Variants in ZNF804A observed in about 807,000 individuals in gnomAD.
The protein encoded by ZNF804A is zinc finger protein 804A.
Under a neutral mutation model 16.5 loss-of-function variants are expected in ZNF804A, and 2 were observed. That is an observed-to-expected ratio of 0.12 (90% CI 0.05 to 0.38). ZNF804A has a LOEUF of 0.38. ZNF804A is among the 10% of genes least tolerant of loss of function. ZNF804A has a pLI of 0.99. For synonymous variants in ZNF804A, 534 were observed against 489.6 expected (o/e 1.09, Z -1.20); for missense variants, 1,473 against 1,390.7 (o/e 1.06, Z -0.94).
chr2:184,789,468 T>TTTG (rs752770553), intron 1 of ZNF804A, among the ~76,000 whole-genome samples: 6 of 152,066 alleles, frequency 3.9e-5, no homozygotes, highest in Non-Finnish European at 7.4e-5. Flanking sequence ...GGTCCTAGGC[T>TTTG]TTGTTGTTGT....
intron 1 of ZNF804A, among the ~76,000 whole-genome samples, chr2:184,822,433 G>A (rs1365867912): frequency 6.6e-6 from 1 of 152,060 alleles, no homozygotes; most frequent in African/African-American, 2.4e-5. Context: ...ATAGCTAATG[G>A]ATGCTGGACT....
At chr2:184,790,188 T>C (rs1694511520) in intron 1 of ZNF804A, among the ~76,000 whole-genome samples, 2 of 152,074 alleles carry the variant, frequency 1.3e-5, no homozygotes, top group African/African-American at 4.8e-5. Flanking sequence ...TCTGAGAAAA[T>C]ACTTGGTACA....
intron 2 of ZNF804A, among the ~76,000 whole-genome samples, chr2:184,893,646 CTAAT>C (rs1188332060): frequency 3.3e-5 from 5 of 151,936 alleles, no homozygotes; most frequent in African/African-American, 1.2e-4. Flanking sequence ...TTTAAAACTA[CTAAT>C]TAATAATGGA....
chr2:184,693,631 A>G (rs1397245361), intron 1 of ZNF804A, among the ~76,000 whole-genome samples: 1 of 152,184 alleles, frequency 6.6e-6, no homozygotes, highest in Non-Finnish European at 1.5e-5. Context: ...TGCCTCAGAT[A>G]TGACTTATAT....
chr2:184,805,049 G>T (rs183400529), intron 1 of ZNF804A, among the ~76,000 whole-genome samples: 1 of 152,050 alleles, frequency 6.6e-6, no homozygotes, highest in South Asian at 2.1e-4. Flanking sequence ...GATGCTTCTG[G>T]TCCAGGGACC....
At chr2:184,898,038 G>T (rs1042501312) in intron 2 of ZNF804A, among the ~76,000 whole-genome samples, 1 of 152,050 alleles carries the variant, frequency 6.6e-6, no homozygotes, top group Non-Finnish European at 1.5e-5. Context: ...TTTTCTTACT[G>T]TAGAGGTTAA....
chr2:184,688,350 G>A (rs1190680586), intron 1 of ZNF804A, among the ~76,000 whole-genome samples: 1 of 151,342 alleles, frequency 6.6e-6, no homozygotes, highest in Non-Finnish European at 1.5e-5. Flanking sequence ...CTTTCTGTGT[G>A]TGTGTGTGTG....
At chr2:184,885,641 T>C (rs1165364557) in intron 2 of ZNF804A, among the ~76,000 whole-genome samples, 1 of 152,104 alleles carries the variant, frequency 6.6e-6, no homozygotes, top group Non-Finnish European at 1.5e-5. Flanking sequence ...GACTTATAGT[T>C]CTGTACGTTC....
At chr2:184,732,823 C>T (rs1438754920) in intron 1 of ZNF804A, among the ~76,000 whole-genome samples, 3 of 151,962 alleles carry the variant, frequency 2.0e-5, no homozygotes, top group African/African-American at 7.2e-5. Flanking sequence ...TTTTACTCCC[C>T]ACTTGTTCAT....
chr2:184,939,072 A>G lies in ZNF804A; in HGVS notation c.*46A>G, dbSNP rs751786999. ...AAATACTCTTGTGAAAACTATTGCTATATGCGTTAAGTGTTCATCTATGTG... is the reference window on the plus strand; with the variant it reads ...AAATACTCTTGTGAAAACTATTGCTGTATGCGTTAAGTGTTCATCTATGTG... On this transcript the variant is annotated 3_prime_UTR_variant, in exon 4 of 4. Coordinates refer to ENST00000302277, the MANE Select transcript of ZNF804A (RefSeq NM_194250.2). 41 of 1,587,906 alleles carry G rather than the reference A, an allele frequency of 2.6e-5. No individual in the cohort carries two copies. Among genetic ancestry groups the G allele is most frequent in the Admixed American group, 5.1e-5 (3 of 58,624 alleles).
intron 1 of ZNF804A, among the ~76,000 whole-genome samples, chr2:184,617,070 A>G (rs1312992289): frequency 2.0e-5 from 3 of 152,082 alleles, no homozygotes; most frequent in Admixed American, 2.0e-4. Context: ...AATTAGCTAT[A>G]CATTTGTTTC....
chr2:184,674,119 A>T (rs1692383543), intron 1 of ZNF804A, among the ~76,000 whole-genome samples: 1 of 152,092 alleles, frequency 6.6e-6, no homozygotes, highest in African/African-American at 2.4e-5. Flanking sequence ...AAACTTGAAG[A>T]TTTAAAATAA....
chr2:184,817,391 A>G (rs1171806225), intron 1 of ZNF804A, among the ~76,000 whole-genome samples: 1 of 151,868 alleles, frequency 6.6e-6, no homozygotes, highest in Non-Finnish European at 1.5e-5. Context: ...CCCCACACAA[A>G]CTCCATTCAA....
intron 1 of ZNF804A, among the ~76,000 whole-genome samples, chr2:184,667,364 T>C (rs1185790771): frequency 6.6e-6 from 1 of 151,888 alleles, no homozygotes; most frequent in Non-Finnish European, 1.5e-5. Context: ...CAGTAAGTAA[T>C]TAATGGTTTT....
intron 1 of ZNF804A, among the ~76,000 whole-genome samples, chr2:184,608,196 C>T (rs1335675035): frequency 2.6e-5 from 4 of 151,906 alleles, no homozygotes; most frequent in African/African-American, 7.3e-5. Context: ...CCGCCCGCCT[C>T]GGCTTCCCAA....
intron 1 of ZNF804A, among the ~76,000 whole-genome samples, chr2:184,668,660 G>A (rs1170620357): frequency 6.6e-6 from 1 of 151,828 alleles, no homozygotes; most frequent in Non-Finnish European, 1.5e-5. Flanking sequence ...AGAGATATTT[G>A]GAAAGTTATA....
intron 1 of ZNF804A, among the ~76,000 whole-genome samples, chr2:184,858,443 G>A (rs1695739597): frequency 6.6e-6 from 1 of 150,894 alleles, no homozygotes; most frequent in Non-Finnish European, 1.5e-5. Flanking sequence ...GGTGAAGTTT[G>A]CAGTGAGCCG....
intron 1 of ZNF804A, among the ~76,000 whole-genome samples, chr2:184,727,987 G>T (rs1477400192): frequency 2.0e-5 from 3 of 151,682 alleles, no homozygotes; most frequent in Non-Finnish European, 3.0e-5. Context: ...AAATAGCATT[G>T]GGTGGTTATT....
intron 1 of ZNF804A, among the ~76,000 whole-genome samples, chr2:184,848,529 A>G (rs1166686237): frequency 6.6e-6 from 1 of 152,114 alleles, no homozygotes; most frequent in Non-Finnish European, 1.5e-5. Flanking sequence ...AAGTAGAGAA[A>G]ATAGCATTTT....
Sources: gnomAD v4.1 joint callset for allele counts (sites outside exome capture counted in the v4.1 genomes callset) on GRCh38, gnomAD v4.1.1 for gene constraint, MANE v1.5 for transcripts, NCBI Gene and HGNC (gene_info 2026-07-23, HGNC 2026-07-21) for gene names.